Variants in ABAT observed in about 807,000 individuals in gnomAD.
ABAT encodes the protein 4-aminobutyrate aminotransferase, mitochondrial.
ABAT carries 45 observed loss-of-function variants against 64.6 expected under a neutral mutation model. The ratio of observed to expected loss-of-function variants is 0.70; its 90% CI spans 0.55 to 0.89. The LOEUF (loss-of-function observed/expected upper bound fraction) is 0.89, where lower values mean the gene tolerates loss of function less well. ABAT is among the 40% of genes least tolerant of loss of function. The pLI is 0.00. For synonymous variants in ABAT, 297 were observed against 250.5 expected, an observed-to-expected ratio of 1.19 and a Z score of -1.75; for missense variants, 633 against 658.4, an observed-to-expected ratio of 0.96 and a Z score of 0.42.
intron 6 of ABAT, among the ~76,000 whole-genome samples, chr16:8,760,900 C>T (rs1744466214): frequency 6.6e-6 from 1 of 151,972 alleles, no homozygotes; most frequent in South Asian, 2.1e-4. Flanking sequence ...ATATCGAGAC[C>T]CTGTCTCTAC....
At chr16:8,743,964 T>C (rs2059257136) in intron 2 of ABAT, among the ~76,000 whole-genome samples, 1 of 152,082 alleles carries the variant, frequency 6.6e-6, no homozygotes, top group Non-Finnish European at 1.5e-5. Context: ...GCACCTGTCT[T>C]TCACTCAGGG....
chr16:8,700,062 C>A (rs1238269336), intron 1 of ABAT, among the ~76,000 whole-genome samples: 1 of 152,108 alleles, frequency 6.6e-6, no homozygotes, highest in Non-Finnish European at 1.5e-5. Flanking sequence ...CTCAAGTGAT[C>A]CACCCACCTC....
At chr16:8,701,907 C>A (rs535142535) in intron 1 of ABAT, among the ~76,000 whole-genome samples, 164 of 138,952 alleles carry the variant, frequency 1.2e-3, no homozygotes, top group African/African-American at 4.3e-3. Flanking sequence ...ACGAGGGGGC[C>A]AGTGTGGCTG....
rs147316860 is a variant in ABAT, at chr16:8,778,418, G to A, written c.1270-1061G>A. ...GTGGAGGCTTCACTCTGCTTCTGGC[G>A]TCACTTGGTGTTCTCCCCACTGTGC... On this transcript the variant is annotated intron_variant, in intron 14 of 15. Coordinates refer to ENST00000268251, the MANE Select transcript of ABAT (RefSeq NM_020686.6). Among the ~76,000 whole-genome samples the A allele has an allele frequency of 5.2e-3, 787 of 152,162 alleles. 8 individuals are homozygous for A. The highest frequency in any genetic ancestry group is 0.018 in the African/African-American group (741 of 41,492).
chr16:8,687,419 G>A (rs1030817244), intron 1 of ABAT, among the ~76,000 whole-genome samples: 4 of 152,190 alleles, frequency 2.6e-5, no homozygotes, highest in Admixed American at 2.0e-4. Flanking sequence ...CCAGCCACAC[G>A]GGAGGCTGAG....
At chr16:8,685,019 T>A (rs1340772100) in intron 1 of ABAT, among the ~76,000 whole-genome samples, 1 of 152,098 alleles carries the variant, frequency 6.6e-6, no homozygotes, top group Non-Finnish European at 1.5e-5. Context: ...GCATGGTGGT[T>A]CATGCCTGCA....
At chr16:8,728,076 G>C (rs936458750) in intron 1 of ABAT, among the ~76,000 whole-genome samples, 1 of 151,648 alleles carries the variant, frequency 6.6e-6, no homozygotes, top group Non-Finnish European at 1.5e-5. Context: ...GTCAGAGAGA[G>C]AGAGAGAGAG....
chr16:8,751,555 C>G (rs2059483607), intron 5 of ABAT, among the ~76,000 whole-genome samples: 1 of 152,194 alleles, frequency 6.6e-6, no homozygotes, highest in Non-Finnish European at 1.5e-5. Flanking sequence ...ACACCACACC[C>G]CAGAGTTGGT....
At chr16:8,734,026 C>T (rs1378404401) in intron 1 of ABAT, among the ~76,000 whole-genome samples, 1 of 152,048 alleles carries the variant, frequency 6.6e-6, no homozygotes, top group Admixed American at 6.6e-5. Context: ...TATTTTTTCC[C>T]ATTCATCTGT....
At chr16:8,725,847 A>AG (rs2058535566) in intron 1 of ABAT, among the ~76,000 whole-genome samples, 1 of 152,114 alleles carries the variant, frequency 6.6e-6, no homozygotes, top group African/African-American at 2.4e-5. Context: ...TCTAGGACTG[A>AG]GGGTTTAAGA....
At chr16:8,684,415 A>T (rs889579265) in intron 1 of ABAT, among the ~76,000 whole-genome samples, 11 of 152,128 alleles carry the variant, frequency 7.2e-5, no homozygotes, top group Admixed American at 3.9e-4. Context: ...TCTACAAAAA[A>T]TACTAAAATT....
chr16:8,721,936 C>G (rs1476312072), intron 1 of ABAT, among the ~76,000 whole-genome samples: 1 of 152,206 alleles, frequency 6.6e-6, no homozygotes, highest in Non-Finnish European at 1.5e-5. Flanking sequence ...CTTGTTTTGA[C>G]TGAGACACAC....
intron 1 of ABAT, among the ~76,000 whole-genome samples, chr16:8,722,030 A>G (rs1015961203): frequency 4.6e-5 from 7 of 152,128 alleles, no homozygotes; most frequent in African/African-American, 1.7e-4. Flanking sequence ...GACAATTCCT[A>G]TTCTGTTTGA....
chr16:8,776,324 A>T lies in ABAT; in HGVS notation c.1123-20A>T, dbSNP rs1440761810. The T allele has an allele frequency of 6.2e-7, 1 of 1,614,058 alleles. No individual in the cohort carries two copies. The highest frequency in any genetic ancestry group is 1.7e-5 in the Admixed American group (1 of 60,022). ...GTGTGCATGTGTGTGAAGCCTTCCA[A>T]CACCCGTTCCTCATTCCAGCCCTAC... On this transcript the variant is annotated intron_variant, in intron 13 of 15. Coordinates refer to ENST00000268251, the MANE Select transcript of ABAT (RefSeq NM_020686.6). This position sits in a 1 kb window ranked among gnomAD's most constrained non-coding sequence, Gnocchi z 4.4.
intron 1 of ABAT, among the ~76,000 whole-genome samples, chr16:8,718,558 G>C (rs1028581883): frequency 4.6e-5 from 7 of 152,134 alleles, no homozygotes; most frequent in African/African-American, 1.7e-4. Context: ...ACCTACAATA[G>C]CCAGACACCG....
intron 1 of ABAT, among the ~76,000 whole-genome samples, chr16:8,732,750 CGG>C (rs1268362348): frequency 2.0e-5 from 3 of 150,378 alleles, no homozygotes; most frequent in Non-Finnish European, 4.4e-5. Flanking sequence ...ACCTCCCAGA[CGG>C]GGTGGTGGCC....
chr16:8,748,719 A>AACAG (rs1279001306), intron 4 of ABAT, among the ~76,000 whole-genome samples: 3 of 152,052 alleles, frequency 2.0e-5, no homozygotes, highest in African/African-American at 4.8e-5. Flanking sequence ...TTTGGGTGCA[A>AACAG]ATATGTTTAT....
In ABAT at chr16:8,771,464, C is replaced by CTTTTT. The variant is rs1207440161; in HGVS notation, c.817-1313_817-1312insTTTTT. On this transcript the variant is annotated intron_variant, in intron 11 of 15. Coordinates refer to ENST00000268251, the MANE Select transcript of ABAT (RefSeq NM_020686.6). ...TCTAGGTGTACGGTTTAGGGTTTTTCTTTCTTTTTTTTTTTTTTTTGAGAC... is the reference window on the plus strand; with the variant it reads ...TCTAGGTGTACGGTTTAGGGTTTTTCTTTTTTTTCTTTTTTTTTTTTTTTTGAGAC... Among the ~76,000 whole-genome samples, 80 of 108,438 alleles carry CTTTTT rather than the reference C, an allele frequency of 7.4e-4. 5 individuals are homozygous for CTTTTT. Among genetic ancestry groups the CTTTTT allele is most frequent in the African/African-American group, 1.7e-3 (54 of 31,030 alleles). The allele number at this position is 108,438 out of a possible 152,430, so 71.1% of individuals were successfully genotyped here.
chr16:8,750,331 A>C, intron 4 of ABAT, 91 bp from the exon 5 acceptor site: 1 of 1,085,918 alleles, frequency 9.2e-7, no homozygotes, highest in Non-Finnish European at 1.4e-6. Context: ...TAGTCACGAT[A>C]TGGTGTACTT....
Sources: allele counts gnomAD v4.1 joint callset (sites outside exome capture counted in the v4.1 genomes callset), GRCh38; gene constraint gnomAD v4.1.1; non-coding constraint Gnocchi (gnomAD v3.1); transcripts MANE v1.5; gene names NCBI Gene and HGNC (gene_info 2026-07-23, HGNC 2026-07-21).